HS3ST4: variants seen among roughly 807,000 people sequenced by gnomAD.
HS3ST4 encodes the protein heparan sulfate glucosamine 3-O-sulfotransferase 4.
Under a neutral mutation model 29.2 loss-of-function variants are expected in HS3ST4, and 17 were observed. The ratio of observed to expected loss-of-function variants is 0.58; its 90% CI spans 0.40 to 0.87. The LOEUF is 0.87. Ranked by LOEUF, HS3ST4 falls within the 40% of genes least tolerant of loss-of-function variation. The probability of loss-of-function intolerance (pLI) is 0.00; values close to 1 mark genes in which losing one functional copy is unlikely to be tolerated. For missense variants in HS3ST4, 627 were observed against 634.5 expected (o/e 0.99, Z 0.13); for synonymous variants, 314 against 285.7 (o/e 1.10, Z -1.00).
intron 1 of HS3ST4, among the ~76,000 whole-genome samples, chr16:25,970,745 T>G (rs1232259075): frequency 6.6e-6 from 1 of 152,194 alleles, no homozygotes; most frequent in Admixed American, 6.5e-5. Flanking sequence ...CTCGAACTCC[T>G]GGCCTCAAGT....
chr16:26,134,646 T>C (rs1898257061), intron 1 of HS3ST4, among the ~76,000 whole-genome samples: 1 of 152,156 alleles, frequency 6.6e-6, no homozygotes, highest in Admixed American at 6.5e-5. Flanking sequence ...AGGTAGGTTT[T>C]AGGATTTTAC....
chr16:25,998,373 A>G (rs919687608), intron 1 of HS3ST4, among the ~76,000 whole-genome samples: 1 of 152,230 alleles, frequency 6.6e-6, no homozygotes, highest in Admixed American at 6.5e-5. Flanking sequence ...TCTTAATTCT[A>G]GATAGTATAC....
intron 1 of HS3ST4, among the ~76,000 whole-genome samples, chr16:25,981,609 CT>C (rs376892231): frequency 3.5e-3 from 481 of 136,772 alleles, no homozygotes; most frequent in African/African-American, 0.012. Flanking sequence ...TGGTGGAGTT[CT>C]TTTTTTTTTT....
chr16:25,933,252 C>A, intron 1 of HS3ST4: 1 of 435,674 alleles, frequency 2.3e-6, no homozygotes. Context: ...TATGGCTCTT[C>A]ACCACAGCCA....
intron 1 of HS3ST4, among the ~76,000 whole-genome samples, chr16:26,113,359 T>G (rs917008490): frequency 6.6e-6 from 1 of 151,348 alleles, no homozygotes; most frequent in East Asian, 1.9e-4. Context: ...GGCAAGAGAA[T>G]CGCTTGAAAC....
At chr16:26,034,219 C>T (rs1277809741) in intron 1 of HS3ST4, among the ~76,000 whole-genome samples, 1 of 152,132 alleles carries the variant, frequency 6.6e-6, no homozygotes, top group Non-Finnish European at 1.5e-5. Flanking sequence ...ATGGGCATCA[C>T]AATATCAGGG....
chr16:25,779,365 C>A (rs535506356), intron 1 of HS3ST4, among the ~76,000 whole-genome samples: 14 of 152,354 alleles, frequency 9.2e-5, no homozygotes, highest in African/African-American at 3.4e-4. Context: ...GGTCAAGTGG[C>A]TTGGCCAAGT....
At chr16:25,828,336 CTCTT>C (rs1266438484) in intron 1 of HS3ST4, among the ~76,000 whole-genome samples, 14 of 134,844 alleles carry the variant, frequency 1.0e-4, no homozygotes, top group African/African-American at 2.9e-4. Context: ...CTCTCTCTCT[CTCTT>C]TCTCCCTTTC....
intron 1 of HS3ST4, among the ~76,000 whole-genome samples, chr16:26,043,683 C>T (rs925717133): frequency 1.3e-5 from 2 of 152,266 alleles, no homozygotes; most frequent in South Asian, 2.1e-4. Context: ...CTGAAACACG[C>T]GCAGCAATTA....
At chr16:25,706,853 G>C (rs116035004) in intron 1 of HS3ST4, among the ~76,000 whole-genome samples, 10 of 152,292 alleles carry the variant, frequency 6.6e-5, no homozygotes, top group African/African-American at 1.4e-4. Context: ...TATACAGAAG[G>C]CTTCTCTTAT....
rs144194161 is a variant in HS3ST4, at chr16:25,868,578, T to C, written c.734+175427T>C. On this transcript the variant is annotated intron_variant, in intron 1 of 1. Transcript: ENST00000331351. ...AAAATATTGTGTAAACAGAGACCAT[T>C]TGGTGAGACCTCCCTTTGCAAAGGT... Among the ~76,000 whole-genome samples the C allele has an allele frequency of 3.8e-3, 575 of 152,292 alleles. 4 individuals carry two copies. Among genetic ancestry groups the C allele is most frequent in the Non-Finnish European group, 6.3e-3 (428 of 68,018 alleles).
chr16:25,764,979 T>C (rs1442739826), intron 1 of HS3ST4, among the ~76,000 whole-genome samples: 1 of 152,126 alleles, frequency 6.6e-6, no homozygotes, highest in Non-Finnish European at 1.5e-5. Flanking sequence ...AGCTTAGACA[T>C]AAAAGAAGAG....
chr16:26,002,437 A>G (rs1969219839), intron 1 of HS3ST4, among the ~76,000 whole-genome samples: 1 of 152,114 alleles, frequency 6.6e-6, no homozygotes, highest in South Asian at 2.1e-4. Flanking sequence ...ACCAAGTTCT[A>G]GTTTGTTTCT....
chr16:25,763,556 T>C (rs1233495399), intron 1 of HS3ST4, among the ~76,000 whole-genome samples: 1 of 152,166 alleles, frequency 6.6e-6, no homozygotes, highest in African/African-American at 2.4e-5. Flanking sequence ...TGTGCAGTAA[T>C]AGACACTGTC....
chr16:25,932,530 C>T (rs898116786), intron 1 of HS3ST4, among the ~76,000 whole-genome samples: 6 of 152,126 alleles, frequency 3.9e-5, no homozygotes, highest in African/African-American at 1.4e-4. Flanking sequence ...CATTCTGGAT[C>T]TCATGTCAAC....
chr16:25,923,079 A>G (rs952841638), intron 1 of HS3ST4, among the ~76,000 whole-genome samples: 1 of 152,138 alleles, frequency 6.6e-6, no homozygotes, highest in Admixed American at 6.5e-5. Context: ...CTACTACATA[A>G]AGTTTACCAA....
chr16:25,863,304 A>G (rs1396525544), intron 1 of HS3ST4, among the ~76,000 whole-genome samples: 1 of 151,968 alleles, frequency 6.6e-6, no homozygotes, highest in Non-Finnish European at 1.5e-5. Flanking sequence ...GATGATCTCA[A>G]TCTCTTGACC....
intron 1 of HS3ST4, among the ~76,000 whole-genome samples, chr16:25,974,064 A>T (rs966582042): frequency 6.6e-6 from 1 of 152,218 alleles, no homozygotes; most frequent in Non-Finnish European, 1.5e-5. Flanking sequence ...CCCAACTCTT[A>T]CCAGAGACAA....
intron 1 of HS3ST4, among the ~76,000 whole-genome samples, chr16:25,838,476 A>T (rs1967383041): frequency 6.6e-6 from 1 of 152,192 alleles, no homozygotes; most frequent in African/African-American, 2.4e-5. Flanking sequence ...AAAACCAACA[A>T]ATATAGGATC....
Sources: gnomAD v4.1 joint callset for allele counts (sites outside exome capture counted in the v4.1 genomes callset) on GRCh38, gnomAD v4.1.1 for gene constraint, MANE v1.5 for transcripts, NCBI Gene and HGNC (gene_info 2026-07-23, HGNC 2026-07-21) for gene names.